The following SC5D variants were observed in gnomAD, a reference collection of about 807,000 sequenced individuals.
SC5D encodes the protein sterol-C5-desaturase, also known as lathosterol oxidase.
Under a neutral mutation model 23.9 loss-of-function variants are expected in SC5D, and 21 were observed. That is an observed-to-expected ratio of 0.88 (90% CI 0.62 to 1.26). SC5D has a LOEUF of 1.26. SC5D is among the 50% of genes most tolerant of loss of function. The pLI, the probability that SC5D is intolerant of heterozygous loss-of-function variation, is 0.00. For synonymous variants in SC5D, 113 were observed against 125.9 expected (o/e 0.90, Z 0.68); for missense variants, 309 against 364.8 (o/e 0.85, Z 1.25).
intron 1 of SC5D, among the ~76,000 whole-genome samples, chr11:121,299,568 A>C (rs1947912321): frequency 6.6e-6 from 1 of 152,214 alleles, no homozygotes; most frequent in Non-Finnish European, 1.5e-5. Flanking sequence ...TATCCCACTT[A>C]ATGTGAATAT....
At chr11:121,300,749 C>T (rs1195079898) in intron 1 of SC5D, among the ~76,000 whole-genome samples, 1 of 152,092 alleles carries the variant, frequency 6.6e-6, no homozygotes, top group African/African-American at 2.4e-5. Flanking sequence ...CTTTGGCTGA[C>T]CTTGAGGGTT....
In SC5D at chr11:121,303,351, A is replaced by G. The variant is rs1295538611; in HGVS notation, c.-10-15A>G. On this transcript the variant is annotated splice_polypyrimidine_tract_variant and intron_variant, in intron 1 of 4. Coordinates refer to ENST00000264027, the MANE Select transcript of SC5D (RefSeq NM_006918.5). The stretch of plus-strand genomic sequence containing the variant: ...GAGACATGGTAACTAATTGTCACAC[A>G]TGCTTATTTTTTAGGGGCTAAGTGA... The G allele has an allele frequency of 3.1e-6, 5 of 1,606,518 alleles. No homozygotes were observed. In the African/African-American group the frequency reaches 5.4e-5, roughly 17 times the overall value.
chr11:121,302,916 G>A (rs1188125587), intron 1 of SC5D, among the ~76,000 whole-genome samples: 1 of 152,188 alleles, frequency 6.6e-6, no homozygotes, highest in Non-Finnish European at 1.5e-5. Flanking sequence ...TGTCAGTGCT[G>A]AAGCAAAAAT....
chr11:121,294,002 A>G (rs1947871658), intron 1 of SC5D, among the ~76,000 whole-genome samples: 1 of 152,190 alleles, frequency 6.6e-6, no homozygotes, highest in African/African-American at 2.4e-5. Context: ...TACCTATCTC[A>G]TAGAGGTATA....
In SC5D at chr11:121,308,474, C is replaced by T. The variant is rs773656294; in HGVS notation, c.*962C>T. 2 of 152,282 alleles carry T rather than the reference C, an allele frequency of 1.3e-5. No homozygotes were observed. Among genetic ancestry groups the T allele is most frequent in the African/African-American group, 2.4e-5 (1 of 41,438 alleles). The allele number at this position is 152,282 out of a possible 1,614,324, so 9.4% of individuals were successfully genotyped here. A position where few individuals can be genotyped will look rare whatever the true frequency, so the allele number is the denominator to read the frequency against. On this transcript the variant is annotated 3_prime_UTR_variant, in exon 5 of 5. Coordinates refer to ENST00000264027, the MANE Select transcript of SC5D (RefSeq NM_006918.5). ...GATTAGTTCTAAAATCTTATTCCTC[C>T]TCTTCTCCCCTCACTTTTCCCTACT...
chr11:121,306,954 C>CTACAGGA lies in SC5D; in HGVS notation c.445-101_445-95dup, dbSNP rs1464362439. The CTACAGGA allele has an allele frequency of 4.1e-6, 4 of 977,774 alleles. No individual in the cohort carries two copies. The African/African-American group carries it at 6.4e-5, about 16-fold the overall frequency. 60.6% of individuals were successfully genotyped at this position (977,774 alleles called of 1,614,324 possible). ...ATAGAATAAATAATTTTGCTGATCT[C>CTACAGGA]TACAGGATTTGTTAGGTTGTTTCCA... On this transcript the variant is annotated intron_variant, in intron 4 of 4. Coordinates refer to ENST00000264027, the MANE Select transcript of SC5D (RefSeq NM_006918.5).
In SC5D at chr11:121,309,122, G is replaced by C. The variant is rs549979571; in HGVS notation, c.*1610G>C. On this transcript the variant is annotated 3_prime_UTR_variant, in exon 5 of 5. Coordinates refer to ENST00000264027, the MANE Select transcript of SC5D (RefSeq NM_006918.5). Reference sequence around the variant, plus strand: ...CAAAGAAGTTAAGTAACTATTCCCAGGTTTATTTCTCTCTCATATGATGTC... The same window carrying C: ...CAAAGAAGTTAAGTAACTATTCCCACGTTTATTTCTCTCTCATATGATGTC... Among the ~76,000 whole-genome samples the C allele has an allele frequency of 6.6e-6, 1 of 152,292 alleles. No individual in the cohort carries two copies. Among genetic ancestry groups the C allele is most frequent in the Admixed American group, 6.5e-5 (1 of 15,290 alleles).
At position 121,306,359 on chromosome 11, in the gene SC5D, T is replaced by G. The variant is rs1320669220; in HGVS notation, c.344-27T>G. 5.1e-6 allele frequency: 6 copies of G among 1,184,392 alleles called. No homozygotes were observed. The African/African-American group carries it at 9.0e-5, about 18-fold the overall frequency. The allele number at this position is 1,184,392 out of a possible 1,614,324, so 73.4% of individuals were successfully genotyped here. A position where few individuals can be genotyped will look rare whatever the true frequency, so the allele number is the denominator to read the frequency against. ...CTAATCCCAGGAGCTGAGTTTTGATTCTTCTGTTTCCCGTTTTCTTTTCTA... is the reference window on the plus strand; with the variant it reads ...CTAATCCCAGGAGCTGAGTTTTGATGCTTCTGTTTCCCGTTTTCTTTTCTA... On this transcript the variant is annotated intron_variant, in intron 3 of 4. Coordinates refer to ENST00000264027, the MANE Select transcript of SC5D (RefSeq NM_006918.5).
At chr11:121,305,067 A>T (rs1947954138) in intron 3 of SC5D, 1 of 153,456 alleles carries the variant, frequency 6.5e-6, no homozygotes. Context: ...GATATTCATA[A>T]GTTATGTAAA....
In SC5D at chr11:121,303,501, T is replaced by C. The variant is rs145773595; in HGVS notation, c.126T>C (p.Ala42=). 3 of 1,613,896 alleles carry C rather than the reference T, an allele frequency of 1.9e-6. No homozygotes were observed. Among genetic ancestry groups the C allele is most frequent in the Non-Finnish European group, 2.5e-6 (3 of 1,179,938 alleles). The change falls in exon 2 of 5, where the codon GCT becomes GCC. Residue 42 remains alanine, a synonymous_variant. Transcript: ENST00000264027. The part of the protein sequence containing the change: ...ISLLIVTNVG[A]YILYFFCATL... The stretch of plus-strand genomic sequence containing the variant: ...TTCTGATTGTAACAAATGTTGGTGC[T>C]TACATCCTTTATTTCTTCTGTGCAA...
chr11:121,301,658 A>G (rs1947926847), intron 1 of SC5D, among the ~76,000 whole-genome samples: 1 of 152,190 alleles, frequency 6.6e-6, no homozygotes, highest in South Asian at 2.1e-4. Context: ...GGTGCTGAAA[A>G]TGTTCTGAAA....
At chr11:121,300,866 C>G (rs897204735) in intron 1 of SC5D, among the ~76,000 whole-genome samples, 2 of 152,148 alleles carry the variant, frequency 1.3e-5, no homozygotes, top group African/African-American at 4.8e-5. Context: ...TTAACTGGTT[C>G]AAAGCACTTA....
At chr11:121,301,690 A>G (rs544074263) in intron 1 of SC5D, among the ~76,000 whole-genome samples, 1 of 152,304 alleles carries the variant, frequency 6.6e-6, no homozygotes, top group African/African-American at 2.4e-5. Flanking sequence ...TAATGATTGC[A>G]TAGCTCTGAG....
rs964523435 is a variant in SC5D at position 121,312,029 on chromosome 11, T to G, written c.*4517T>G. On this transcript the variant is annotated 3_prime_UTR_variant, in exon 5 of 5. Transcript: ENST00000264027. ...AACATTATTTACTGTAAGTTATCTTTGTAAGAGTGGTAAAATACATTGTGT... is the reference window on the plus strand; with the variant it reads ...AACATTATTTACTGTAAGTTATCTTGGTAAGAGTGGTAAAATACATTGTGT... Among the ~76,000 whole-genome samples the G allele has an allele frequency of 1.3e-5, 2 of 152,212 alleles. No individual in the cohort carries two copies. The highest frequency in any genetic ancestry group is 2.9e-5 in the Non-Finnish European group (2 of 68,016).
At chr11:121,306,649 T>C (rs951092389) in intron 4 of SC5D, 163 bp downstream of exon 4, 17 of 693,936 alleles carry the variant, frequency 2.4e-5, no homozygotes, top group Non-Finnish European at 4.2e-5. Flanking sequence ...TATTCTTCTT[T>C]ATGGGTCTAA....
chr11:121,303,604 T>A lies in SC5D; in HGVS notation c.210+19T>A, dbSNP rs374625370. 4.3e-4 allele frequency: 659 copies of A among 1,541,144 alleles called. 4 individuals carry two copies. Among genetic ancestry groups the A allele is most frequent in the Middle Eastern group, 1.9e-3 (11 of 5,928 alleles). On this transcript the variant is annotated intron_variant, in intron 2 of 4. Coordinates refer to ENST00000264027, the MANE Select transcript of SC5D (RefSeq NM_006918.5). The stretch of plus-strand genomic sequence containing the variant: ...TTTAAAGGTAAGAAATGTTTTTACC[T>A]ATTTTCTAACGATTAAAGTAAAAAT...
In SC5D at chr11:121,311,126, A is replaced by G. The variant is rs1446987255; in HGVS notation, c.*3614A>G. 1.3e-5 allele frequency among the ~76,000 whole-genome samples: 2 copies of G among 152,236 alleles called. No homozygotes were observed. The highest frequency in any genetic ancestry group is 4.8e-5 in the African/African-American group (2 of 41,452). ...AAGTAGAGACCGTGTCTGAATCATC[A>G]TTGTATTAAACCACTCATCCTTAAC... On this transcript the variant is annotated 3_prime_UTR_variant, in exon 5 of 5. Coordinates refer to ENST00000264027, the MANE Select transcript of SC5D (RefSeq NM_006918.5).
At position 121,303,559 on chromosome 11, in the gene SC5D, T is replaced by A; in HGVS notation, c.184T>A (p.Leu62Ile). ...LSYYFVFDHA[L>I]MKHPQFLKNQ... Reference sequence around the variant, plus strand: ...CTATTATTTTGTCTTCGATCATGCATTAATGAAACATCCACAATTTTTAAA... The same window carrying A: ...CTATTATTTTGTCTTCGATCATGCAATAATGAAACATCCACAATTTTTAAA... Residue 62 changes from leucine to isoleucine, a missense_variant, in exon 2 of 5, where the codon TTA becomes ATA. Leu to Ile is a conservative substitution (Grantham distance 5). Coordinates refer to ENST00000264027, the MANE Select transcript of SC5D (RefSeq NM_006918.5). 1 of 1,612,944 alleles carries A rather than the reference T, an allele frequency of 6.2e-7. No homozygotes were observed. The highest frequency in any genetic ancestry group is 8.5e-7 in the Non-Finnish European group (1 of 1,179,020).
At chr11:121,305,582 C>CG (rs1038132961) in intron 3 of SC5D, 22 of 152,030 alleles carry the variant, frequency 1.4e-4, no homozygotes, top group African/African-American at 5.3e-4. Context: ...AAAAAATTAG[C>CG]GGGGTGTGGT....
Sources: allele counts gnomAD v4.1 joint callset (sites outside exome capture counted in the v4.1 genomes callset), GRCh38; gene constraint gnomAD v4.1.1; transcripts MANE v1.5; gene names NCBI Gene and HGNC (gene_info 2026-07-23, HGNC 2026-07-21).